The following OSBPL5 variants were observed in gnomAD, a reference collection of about 807,000 sequenced individuals.
OSBPL5 encodes oxysterol binding protein like 5, also known as oxysterol-binding protein-related protein 5.
OSBPL5 carries 71 observed loss-of-function variants against 111.2 expected under a neutral mutation model. The observed-to-expected ratio is 0.64, with a 90% CI of 0.53 to 0.78. OSBPL5 has a LOEUF of 0.78. OSBPL5 is among the 30% of genes least tolerant of loss of function. OSBPL5 has a pLI of 0.00. For synonymous variants in OSBPL5, 549 were observed against 513.9 expected (o/e 1.07, Z -0.93); for missense variants, 1,210 against 1,189.3 (o/e 1.02, Z -0.26).
rs1856930009 is a variant in OSBPL5, at chr11:3,088,036, C to A, written c.*169G>T. On this transcript the variant is annotated 3_prime_UTR_variant, in exon 22 of 22. Transcript: ENST00000263650. ...GCCAGTGCCCCTGAGAGGGGCCCAG[C>A]ACACCTGGGCCCGCAGCGCCTTGTG... The A allele has an allele frequency of 1.8e-6, 1 of 558,626 alleles. No homozygotes were observed. The highest frequency in any genetic ancestry group is 3.2e-5 in the South Asian group (1 of 30,908). The allele number at this position is 558,626 out of a possible 1,614,324, so 34.6% of individuals were successfully genotyped here.
chr11:3,124,652 C>T (rs1386893790), intron 3 of OSBPL5, among the ~76,000 whole-genome samples: 1 of 152,196 alleles, frequency 6.6e-6, no homozygotes, highest in Admixed American at 6.5e-5. Context: ...ACACACACCA[C>T]CCTTGGCCCG....
At chr11:3,122,466 G>A in intron 3 of OSBPL5, 38 bp from the exon 4 acceptor site, 1 of 1,600,294 alleles carries the variant, frequency 6.2e-7, no homozygotes, top group Non-Finnish European at 8.5e-7. Flanking sequence ...CAGGGCACAG[G>A]GGCCGGCCCA....
In OSBPL5 at chr11:3,154,800, CT is replaced by C. The variant is rs200365617; in HGVS notation, c.-22+10415del. Among the ~76,000 whole-genome samples the C allele has an allele frequency of 8.4e-3, 1,275 of 152,216 alleles. 11 individuals carry two copies. The highest frequency in any genetic ancestry group is 0.031 in the Middle Eastern group (9 of 294). ...GGAGATGGGGTCTTTAAAGAGCCCCCTATATACCTAATGTAAATGACGAGTT... is the reference window on the plus strand; with the variant it reads ...GGAGATGGGGTCTTTAAAGAGCCCCCATATACCTAATGTAAATGACGAGTT... On this transcript the variant is annotated intron_variant, in intron 1 of 21. Transcript: ENST00000263650. This position sits in a 1 kb window ranked among gnomAD's most constrained non-coding sequence, Gnocchi z 4.9.
Position 3,126,693 on chromosome 11 carries a change from A to T in OSBPL5, c.137-138T>A. ...CAGGAAGTCAGCCGGAGGTGGTGGCAGGAACAGGACACTGCCTGAGAGGTG... is the reference window on the plus strand; with the variant it reads ...CAGGAAGTCAGCCGGAGGTGGTGGCTGGAACAGGACACTGCCTGAGAGGTG... On this transcript the variant is annotated intron_variant, in intron 2 of 21. Transcript: ENST00000263650. This position sits in a 1 kb window ranked among gnomAD's most constrained non-coding sequence, Gnocchi z 6.5. 1 of 633,884 alleles carries T rather than the reference A, an allele frequency of 1.6e-6. No individual in the cohort carries two copies. Among genetic ancestry groups the T allele is most frequent in the Non-Finnish European group, 2.7e-6 (1 of 370,594 alleles). The allele number at this position is 633,884 out of a possible 1,614,324, so 39.3% of individuals were successfully genotyped here. A position where few individuals can be genotyped will look rare whatever the true frequency, so the allele number is the denominator to read the frequency against.
chr11:3,126,411 G>T lies in OSBPL5; in HGVS notation c.219+62C>A. 7.0e-7 allele frequency: 1 copy of T among 1,435,418 alleles called. No individual in the cohort carries two copies. The highest frequency in any genetic ancestry group is 9.3e-7 in the Non-Finnish European group (1 of 1,078,018). The allele number at this position is 1,435,418 out of a possible 1,614,324, so 88.9% of individuals were successfully genotyped here. A position where few individuals can be genotyped will look rare whatever the true frequency, so the allele number is the denominator to read the frequency against. On this transcript the variant is annotated intron_variant, in intron 3 of 21. Coordinates refer to ENST00000263650, the MANE Select transcript of OSBPL5 (RefSeq NM_020896.4). The surrounding 1 kb of genome is among the most constrained non-coding windows in gnomAD (Gnocchi z 6.5). ...CGCCCTGCTGTCCTTTTCCCCAGCC[G>T]TTTCCTGCTGTCCCCAGAGCCAGGC...
Position 3,161,073 on chromosome 11 carries a change from G to T in OSBPL5, c.-22+4143C>A, listed in dbSNP as rs1846952201. On this transcript the variant is annotated intron_variant, in intron 1 of 21. Transcript: ENST00000263650. This position sits in a 1 kb window ranked among gnomAD's most constrained non-coding sequence, Gnocchi z 8.0. Reference sequence around the variant, plus strand: ...GACCCCAGGCTGGTCACAACAGGCAGCCTGACCAGCTGCCTGCCGAGGTGG... The same window carrying T: ...GACCCCAGGCTGGTCACAACAGGCATCCTGACCAGCTGCCTGCCGAGGTGG... The T allele has an allele frequency of 6.6e-6, 1 of 152,232 alleles. No individual in the cohort carries two copies. The allele number at this position is 152,232 out of a possible 1,614,324, so 9.4% of individuals were successfully genotyped here. A position where few individuals can be genotyped will look rare whatever the true frequency, so the allele number is the denominator to read the frequency against.
chr11:3,127,384 G>T (rs1291558230), intron 2 of OSBPL5, among the ~76,000 whole-genome samples: 2 of 152,248 alleles, frequency 1.3e-5, no homozygotes, highest in Non-Finnish European at 1.5e-5. Flanking sequence ...CAGCTGGAAG[G>T]CCTGGGGTCT....
intron 1 of OSBPL5, among the ~76,000 whole-genome samples, chr11:3,136,470 TG>T (rs1421502551): frequency 6.6e-6 from 1 of 152,274 alleles, no homozygotes; most frequent in Non-Finnish European, 1.5e-5. Context: ...GGAATCCAGC[TG>T]AGTCCTGGAC....
In OSBPL5 at chr11:3,113,542, C is replaced by T. The variant is rs1200360701; in HGVS notation, c.692-5597G>A. 2.0e-5 allele frequency among the ~76,000 whole-genome samples: 3 copies of T among 152,014 alleles called. No individual in the cohort carries two copies. The highest frequency in any genetic ancestry group is 4.4e-5 in the Non-Finnish European group (3 of 68,002). On this transcript the variant is annotated intron_variant, in intron 7 of 21. Transcript: ENST00000263650. This position sits in a 1 kb window ranked among gnomAD's most constrained non-coding sequence, Gnocchi z 4.8. ...TGTTGGCAGGCACCTGTAATCCCAG[C>T]TACTCGTGAGGCTGAGGCAGGAGAA...
At chr11:3,101,758 A>G in intron 12 of OSBPL5, 59 bp from the exon 13 acceptor site, 1 of 1,423,636 alleles carries the variant, frequency 7.0e-7, no homozygotes, top group Non-Finnish European at 9.8e-7. Context: ...CCAGGAAGCG[A>G]GAGCCCAGCT....
intron 1 of OSBPL5, among the ~76,000 whole-genome samples, chr11:3,153,146 G>T (rs1846644491): frequency 6.6e-6 from 1 of 152,056 alleles, no homozygotes. Context: ...TGTAGCGGTG[G>T]GTGACTCTGG....
At chr11:3,091,022 T>TG (rs143960927) in intron 19 of OSBPL5, among the ~76,000 whole-genome samples, 1,947 of 152,282 alleles carry the variant, frequency 0.013, 37 homozygotes, top group African/African-American at 0.044. Context: ...GATGATGGCA[T>TG]GGGGGGCCGA....
chr11:3,158,538 G>A (rs966535299), intron 1 of OSBPL5, among the ~76,000 whole-genome samples: 6 of 152,198 alleles, frequency 3.9e-5, no homozygotes, highest in Admixed American at 6.5e-5. Flanking sequence ...CCAGTCCACC[G>A]CCCCAGGACC....
Position 3,107,027 on chromosome 11 carries a change from A to G in OSBPL5, c.1059+236T>C, listed in dbSNP as rs960805870. ...CCTGTCTGCAGCAAACCCCTGCCCG[A>G]TCCCCGCATCTGCATGCCAGCCAGC... On this transcript the variant is annotated intron_variant, in intron 9 of 21. Transcript: ENST00000263650. This position sits in a 1 kb window ranked among gnomAD's most constrained non-coding sequence, Gnocchi z 6.1. Among the ~76,000 whole-genome samples the G allele has an allele frequency of 2.6e-5, 4 of 151,776 alleles. No homozygotes were observed. Among genetic ancestry groups the G allele is most frequent in the African/African-American group, 9.7e-5 (4 of 41,218 alleles).
chr11:3,156,224 G>A (rs1846754509), intron 1 of OSBPL5, among the ~76,000 whole-genome samples: 1 of 152,194 alleles, frequency 6.6e-6, no homozygotes, highest in Admixed American at 6.5e-5. Flanking sequence ...AAGGAAACCG[G>A]AACGCTTGCT....
At chr11:3,159,018 C>T (rs549194220) in intron 1 of OSBPL5, among the ~76,000 whole-genome samples, 2 of 152,272 alleles carry the variant, frequency 1.3e-5, no homozygotes, top group Non-Finnish European at 2.9e-5. Context: ...AGGAGCAGCA[C>T]CACGACCCTG....
At chr11:3,147,744 C>T (rs564479505) in intron 1 of OSBPL5, among the ~76,000 whole-genome samples, 5 of 152,272 alleles carry the variant, frequency 3.3e-5, no homozygotes, top group East Asian at 3.9e-4. Context: ...GTGGGTGCGT[C>T]GGGGCAGGGA....
In OSBPL5 at chr11:3,095,681, G is replaced by A. The variant is rs984376165; in HGVS notation, c.1622-1347C>T. 1.1e-4 allele frequency among the ~76,000 whole-genome samples: 17 copies of A among 152,138 alleles called. No individual in the cohort carries two copies. In the South Asian group the frequency reaches 3.5e-3, roughly 32 times the overall value. ...CAGTCACCTTTGGAAGACAGCAGGG[G>A]AAAAAAATCATTATTTTGAAAATAT... is the stretch of plus-strand genomic sequence containing the variant. On this transcript the variant is annotated intron_variant, in intron 14 of 21. Transcript: ENST00000263650.
chr11:3,143,186 C>T (rs1340542089), intron 1 of OSBPL5, among the ~76,000 whole-genome samples: 29 of 70,760 alleles, frequency 4.1e-4, no homozygotes, highest in Non-Finnish European at 5.6e-4. Flanking sequence ...GGTGCAGAGC[C>T]GGGCAGAGGA....
Sources: allele counts gnomAD v4.1 joint callset (sites outside exome capture counted in the v4.1 genomes callset), GRCh38; gene constraint gnomAD v4.1.1; non-coding constraint Gnocchi (gnomAD v3.1); transcripts MANE v1.5; gene names NCBI Gene and HGNC (gene_info 2026-07-23, HGNC 2026-07-21).